Variants in ATG10 observed in about 807,000 individuals in gnomAD.
The protein encoded by ATG10 is autophagy related 10.
ATG10 carries 30 observed loss-of-function variants against 32.1 expected under a neutral mutation model. The ratio of observed to expected loss-of-function variants is 0.94; its 90% CI spans 0.70 to 1.27. ATG10 has a LOEUF of 1.27. Among genes scored for constraint, ATG10 ranks in the 50% most tolerant of loss-of-function variants. ATG10 has a pLI of 0.00. For synonymous variants in ATG10, 87 were observed against 91.5 expected (o/e 0.95, Z 0.28); for missense variants, 233 against 262.3 (o/e 0.89, Z 0.77).
chr5:81,999,000 G>T (rs184933065), intron 2 of ATG10, among the ~76,000 whole-genome samples: 5 of 152,038 alleles, frequency 3.3e-5, no homozygotes, highest in Non-Finnish European at 7.4e-5. Flanking sequence ...CCAAATATTT[G>T]GGACCTGAAC....
chr5:82,079,444 G>T (rs1764395378), intron 3 of ATG10, among the ~76,000 whole-genome samples: 2 of 151,476 alleles, frequency 1.3e-5, no homozygotes, highest in South Asian at 4.2e-4. Flanking sequence ...GTATACATAT[G>T]CCATGTTGGT....
chr5:82,200,652 T>C (rs1232039037), intron 5 of ATG10, among the ~76,000 whole-genome samples: 2 of 150,776 alleles, frequency 1.3e-5, no homozygotes, highest in Admixed American at 1.3e-4. Flanking sequence ...TATTTGCCCA[T>C]TTTAAACATT....
intron 2 of ATG10, among the ~76,000 whole-genome samples, chr5:81,992,650 C>T (rs926743192): frequency 3.3e-5 from 5 of 151,660 alleles, no homozygotes; most frequent in Non-Finnish European, 5.9e-5. Flanking sequence ...GTGATCTACC[C>T]GCCTTGGCCT....
At chr5:81,992,466 T>C (rs1761493755) in intron 2 of ATG10, 1 of 152,034 alleles carries the variant, frequency 6.6e-6, no homozygotes, top group Non-Finnish European at 1.5e-5. Context: ...CAGTGGTGCG[T>C]TCCTGGCTCG....
chr5:81,984,416 G>GGGGAGAGGGAGA (rs561830298), intron 1 of ATG10, among the ~76,000 whole-genome samples: 1 of 152,206 alleles, frequency 6.6e-6, no homozygotes, highest in African/African-American at 2.4e-5. Flanking sequence ...GGGAGACCGT[G>GGGGAGAGGGAGA]GGGAGAGGGA....
rs1250831238 is a variant in ATG10, at chr5:82,256,116, A to C, written c.*2053A>C. 2.6e-5 allele frequency: 4 copies of C among 152,178 alleles called. No homozygotes were observed. The highest frequency in any genetic ancestry group is 5.9e-5 in the Non-Finnish European group (4 of 68,032). 9.4% of individuals were successfully genotyped at this position (152,178 alleles called of 1,614,324 possible). On this transcript the variant is annotated 3_prime_UTR_variant, in exon 8 of 8. Coordinates refer to ENST00000282185, the MANE Select transcript of ATG10 (RefSeq NM_031482.5). ...GCCATGTCATTTCTAGTGTAAAATA[A>C]ATTATAATAATGTGTCATCTGAATG...
At chr5:82,168,880 T>G (rs1743683790) in intron 4 of ATG10, among the ~76,000 whole-genome samples, 2 of 152,160 alleles carry the variant, frequency 1.3e-5, no homozygotes, top group African/African-American at 2.4e-5. Context: ...TAGAGGAGAA[T>G]GACAGCAAAA....
At chr5:82,058,898 C>T (rs573579148) in intron 3 of ATG10, among the ~76,000 whole-genome samples, 1 of 152,120 alleles carries the variant, frequency 6.6e-6, no homozygotes. Context: ...ATAAGATCCA[C>T]TCTGACTCCA....
At chr5:82,253,242 C>A in intron 6 of ATG10, 72 bp from the exon 7 acceptor site, 1 of 998,670 alleles carries the variant, frequency 1.0e-6, no homozygotes, top group Non-Finnish European at 1.6e-6. Context: ...TGGTGACCAA[C>A]TGATGTTCTA....
At chr5:81,985,339 T>G (rs928849603) in intron 1 of ATG10, among the ~76,000 whole-genome samples, 2 of 152,256 alleles carry the variant, frequency 1.3e-5, no homozygotes, top group African/African-American at 4.8e-5. Flanking sequence ...TAGTCTTCTC[T>G]TGCTAGTCTA....
chr5:82,217,932 G>A (rs989680980), intron 5 of ATG10, among the ~76,000 whole-genome samples: 1 of 151,800 alleles, frequency 6.6e-6, no homozygotes, highest in South Asian at 2.1e-4. Flanking sequence ...AGCTGAGATT[G>A]TACCATTGCA....
chr5:82,117,810 T>C (rs1765869462), intron 3 of ATG10, among the ~76,000 whole-genome samples: 1 of 152,076 alleles, frequency 6.6e-6, no homozygotes, highest in Non-Finnish European at 1.5e-5. Flanking sequence ...ATATACTGAA[T>C]ATGAAAAGTC....
chr5:82,209,022 C>T (rs1543911), intron 5 of ATG10, among the ~76,000 whole-genome samples: 123,048 of 152,002 alleles, frequency 0.81, 50,148 homozygotes, highest in East Asian at 0.99. Context: ...ATAAAATGAG[C>T]TGGGAAGGGA....
intron 3 of ATG10, among the ~76,000 whole-genome samples, chr5:82,114,058 T>C (rs1003780736): frequency 6.6e-6 from 1 of 152,042 alleles, no homozygotes; most frequent in South Asian, 2.1e-4. Flanking sequence ...GCATCAACCC[T>C]ACATTATATA....
intron 2 of ATG10, among the ~76,000 whole-genome samples, chr5:82,013,024 C>T (rs988389644): frequency 1.3e-5 from 2 of 150,538 alleles, no homozygotes; most frequent in Non-Finnish European, 3.0e-5. Context: ...TGCAGTGGCA[C>T]AATCTTGGCT....
intron 3 of ATG10, among the ~76,000 whole-genome samples, chr5:82,061,434 T>G (rs1312093359): frequency 6.6e-6 from 1 of 151,872 alleles, no homozygotes; most frequent in Non-Finnish European, 1.5e-5. Context: ...TTATCTCTCC[T>G]TCTTGGTACT....
At chr5:82,253,794 A>G (rs1209345781) in intron 7 of ATG10, among the ~76,000 whole-genome samples, 1 of 152,182 alleles carries the variant, frequency 6.6e-6, no homozygotes, top group Non-Finnish European at 1.5e-5. Flanking sequence ...GCTCCTTATG[A>G]GATTCTAACC....
chr5:82,233,654 G>A (rs1746447970), intron 5 of ATG10, among the ~76,000 whole-genome samples: 1 of 152,174 alleles, frequency 6.6e-6, no homozygotes, highest in South Asian at 2.1e-4. Flanking sequence ...AGGTACAGAT[G>A]CTCCATCATT....
intron 1 of ATG10, among the ~76,000 whole-genome samples, chr5:81,977,502 T>G (rs1760903596): frequency 6.6e-6 from 1 of 152,212 alleles, no homozygotes; most frequent in Non-Finnish European, 1.5e-5. Context: ...AGCAGCCCCT[T>G]GAAGAGCGGG....
Sources: allele counts gnomAD v4.1 joint callset (sites outside exome capture counted in the v4.1 genomes callset), GRCh38; gene constraint gnomAD v4.1.1; transcripts MANE v1.5; gene names NCBI Gene and HGNC (gene_info 2026-07-23, HGNC 2026-07-21).